Variants in SETX observed in about 807,000 individuals in gnomAD.
The protein encoded by SETX is senataxin, also known as helicase senataxin.
In SETX, 90 loss-of-function variants were observed where a neutral mutation model predicts 227.2. The ratio of observed to expected loss-of-function variants is 0.40; its 90% CI spans 0.33 to 0.47. The LOEUF is 0.47. Ranked by LOEUF, SETX falls within the 20% of genes least tolerant of loss-of-function variation. The pLI is 0.91. For synonymous variants in SETX, 1,210 were observed against 1,113.2 expected (o/e 1.09, Z -1.73); for missense variants, 3,052 against 3,181.5 (o/e 0.96, Z 0.98).
chr9:132,334,557 G>C (rs770308549), intron 7 of SETX, 51 bp downstream of exon 7: 2 of 1,601,050 alleles, frequency 1.2e-6, no homozygotes, highest in East Asian at 4.5e-5. Flanking sequence ...CATTTTTAAA[G>C]TGCATCATCA....
intron 10 of SETX, among the ~76,000 whole-genome samples, chr9:132,323,549 A>T (rs1846506390): frequency 1.3e-5 from 2 of 151,956 alleles, no homozygotes; most frequent in Admixed American, 1.3e-4. Flanking sequence ...TGAAGCAGGA[A>T]ACAGAAACGC....
intron 10 of SETX, among the ~76,000 whole-genome samples, chr9:132,318,712 G>A (rs569425717): frequency 7.2e-5 from 11 of 152,250 alleles, no homozygotes; most frequent in African/African-American, 1.4e-4. Flanking sequence ...ATTCCTCACA[G>A]GAGCTGGGAT....
chr9:132,328,259 A>G lies in SETX; in HGVS notation c.3339T>C (p.Pro1113=), dbSNP rs947789456. ...VQDGEKKCLA[P]IANTTNGQGC... ...CCTGACCATTTGTAGTATTGGCTAT[A>G]GGAGCCAAACATTTTTTCTCACCAT... Residue 1113 remains proline, a synonymous_variant, in exon 10 of 26, where the codon CCT becomes CCC. Coordinates refer to ENST00000224140, the MANE Select transcript of SETX (RefSeq NM_015046.7). The G allele has an allele frequency of 6.2e-7, 1 of 1,614,108 alleles. No homozygotes were observed. The highest frequency in any genetic ancestry group is 2.2e-5 in the East Asian group (1 of 44,882).
intron 15 of SETX, among the ~76,000 whole-genome samples, chr9:132,292,926 C>G (rs575846074): frequency 2.0e-4 from 30 of 152,250 alleles, no homozygotes; most frequent in Non-Finnish European, 3.8e-4. Flanking sequence ...CGTCAGCCAC[C>G]GCACCTGGCC....
chr9:132,284,014 T>C (rs939335774), intron 18 of SETX, among the ~76,000 whole-genome samples: 2 of 152,224 alleles, frequency 1.3e-5, no homozygotes, highest in Non-Finnish European at 2.9e-5. Flanking sequence ...TCAATCAGCA[T>C]TTCCAGCAGA....
chr9:132,328,571 G>A lies in SETX; in HGVS notation c.3027C>T (p.Ser1009=), dbSNP rs1847006691. The change falls in exon 10 of 26, where the codon TCC becomes TCT. Residue 1009 remains serine (S), a synonymous_variant. Transcript: ENST00000224140. ...CTGAAATAATAATAACCTGTCCACG[G>A]GAGGTATCTCCAACATTATTTTGGT... ...TANQNNVGDT[S]RGQVIIISDS... 1.2e-6 allele frequency: 2 copies of A among 1,613,914 alleles called. No homozygotes were observed. The highest frequency in any genetic ancestry group is 1.3e-5 in the African/African-American group (1 of 75,018).
intron 11 of SETX, among the ~76,000 whole-genome samples, chr9:132,309,346 C>G (rs1845512950): frequency 6.6e-6 from 1 of 151,110 alleles, no homozygotes; most frequent in Non-Finnish European, 1.5e-5. Context: ...AATGGTCTTT[C>G]AATAAATAGT....
In SETX at chr9:132,264,487, C is replaced by G. The variant is rs200287592; in HGVS notation, c.7786G>C (p.Ala2596Pro). 1.2e-5 allele frequency: 20 copies of G among 1,613,694 alleles called. No individual in the cohort carries two copies. The South Asian group carries it at 1.9e-4, about 15-fold the overall frequency. The change falls in exon 26 of 26, where the codon GCT (alanine) becomes CCT (proline). Residue 2596 changes from alanine (A) to proline (P), a missense_variant. Coordinates refer to ENST00000224140, the MANE Select transcript of SETX (RefSeq NM_015046.7). ...ACGGGAGGTTTGTGGCTGCTCAGAGCAGCCACTACAGCAGCGGGCTGCTGT... is the reference window on the plus strand; with the variant it reads ...ACGGGAGGTTTGTGGCTGCTCAGAGGAGCCACTACAGCAGCGGGCTGCTGT... ...HIQQPAAVVA[A>P]LSSHKPPVRG...
intron 19 of SETX, among the ~76,000 whole-genome samples, chr9:132,282,013 C>T (rs1242639709): frequency 7.2e-5 from 9 of 125,394 alleles, no homozygotes; most frequent in African/African-American, 1.7e-4. Context: ...GTGCAGACTC[C>T]GTCTCTAAAA....
intron 20 of SETX, 79 bp downstream of exon 20, chr9:132,281,388 A>C: frequency 1.1e-6 from 1 of 943,164 alleles, no homozygotes. Context: ...CAATCCAAGA[A>C]AGATGTCTCT....
intron 14 of SETX, 107 bp from the exon 15 acceptor site, chr9:132,296,135 C>G: frequency 7.4e-7 from 1 of 1,359,108 alleles, no homozygotes; most frequent in Non-Finnish European, 1.0e-6. Flanking sequence ...TTTGAAAGTT[C>G]TCGTAATAAA....
At chr9:132,335,353 T>C (rs575271991) in intron 6 of SETX, among the ~76,000 whole-genome samples, 75 of 114,006 alleles carry the variant, frequency 6.6e-4, no homozygotes, top group African/African-American at 2.3e-3. Flanking sequence ...ATCGCGCGAC[T>C]GCACTCCAGC....
intron 11 of SETX, among the ~76,000 whole-genome samples, chr9:132,301,333 C>T (rs983633163): frequency 1.1e-4 from 16 of 151,930 alleles, no homozygotes; most frequent in East Asian, 1.9e-4. Flanking sequence ...GTGATCCGCC[C>T]GCCTCAGCCT....
intron 11 of SETX, among the ~76,000 whole-genome samples, chr9:132,305,583 G>C (rs117538617): frequency 2.6e-5 from 4 of 152,112 alleles, no homozygotes; most frequent in Non-Finnish European, 4.4e-5. Context: ...GACAGACTGA[G>C]AAGAGCACAA....
intron 15 of SETX, among the ~76,000 whole-genome samples, chr9:132,289,238 TGCCAGCTCCTAGTTAG>T (rs1480396491): frequency 1.3e-5 from 2 of 152,186 alleles, no homozygotes; most frequent in Non-Finnish European, 2.9e-5. Flanking sequence ...TGGCCAGATA[TGCCAGCTCCTAGTTAG>T]GCCCACTCCC....
intron 10 of SETX, among the ~76,000 whole-genome samples, chr9:132,325,370 G>GAAAAAAT (rs1325910372): frequency 7.2e-5 from 11 of 151,830 alleles, no homozygotes; most frequent in Middle Eastern, 3.4e-3. Flanking sequence ...AAAGAAAAAA[G>GAAAAAAT]AAAAAAGAAA....
chr9:132,262,053 T>C lies in SETX; in HGVS notation c.*2186A>G, dbSNP rs1842431628. The stretch of plus-strand genomic sequence containing the variant: ...AAAAGTAATGTGAGGTACAACTGCA[T>C]TCCGCTGTGAAAGGCCGTCACAGGA... On this transcript the variant is annotated 3_prime_UTR_variant, in exon 26 of 26. Transcript: ENST00000224140. 6.5e-6 allele frequency: 1 copy of C among 152,848 alleles called. No homozygotes were observed. The highest frequency in any genetic ancestry group is 2.4e-5 in the African/African-American group (1 of 41,474). The allele number at this position is 152,848 out of a possible 1,614,324, so 9.5% of individuals were successfully genotyped here.
chr9:132,351,409 C>A (rs1848596918), intron 2 of SETX, among the ~76,000 whole-genome samples: 1 of 152,170 alleles, frequency 6.6e-6, no homozygotes, highest in South Asian at 2.1e-4. Flanking sequence ...AAGGAGACAA[C>A]AAAAGAAACC....
chr9:132,293,061 A>G (rs936864129), intron 15 of SETX, among the ~76,000 whole-genome samples: 1 of 152,228 alleles, frequency 6.6e-6, no homozygotes, highest in Non-Finnish European at 1.5e-5. Flanking sequence ...AACATTAGCA[A>G]TCTAGCAGTG....
Sources: allele counts gnomAD v4.1 joint callset (sites outside exome capture counted in the v4.1 genomes callset), GRCh38; gene constraint gnomAD v4.1.1; transcripts MANE v1.5; gene names NCBI Gene and HGNC (gene_info 2026-07-23, HGNC 2026-07-21).